DOCK2: variants seen among roughly 807,000 people sequenced by gnomAD.
DOCK2 encodes the protein dedicator of cytokinesis protein 2.
Under a neutral mutation model 248.9 loss-of-function variants are expected in DOCK2, and 87 were observed. The observed-to-expected ratio is 0.35, with a 90% CI of 0.29 to 0.42. The LOEUF (loss-of-function observed/expected upper bound fraction) is 0.42, where lower values mean the gene tolerates loss of function less well. Ranked by LOEUF, DOCK2 falls within the 10% of genes least tolerant of loss-of-function variation. The probability of loss-of-function intolerance (pLI) is 1.00; values close to 1 mark genes in which losing one functional copy is unlikely to be tolerated. For synonymous variants in DOCK2, 805 were observed against 821.6 expected (o/e 0.98, Z 0.35); for missense variants, 1,747 against 2,300.2 (o/e 0.76, Z 4.92).
intron 27 of DOCK2, among the ~76,000 whole-genome samples, chr5:169,869,251 C>T (rs1001590845): frequency 6.6e-6 from 1 of 152,154 alleles, no homozygotes; most frequent in Non-Finnish European, 1.5e-5. Flanking sequence ...CTTTATGTTT[C>T]TATGGAAACA....
At chr5:169,991,576 C>T (rs905829762) in intron 29 of DOCK2, among the ~76,000 whole-genome samples, 1 of 152,242 alleles carries the variant, frequency 6.6e-6, no homozygotes, top group African/African-American at 2.4e-5. Context: ...CATAAGACCA[C>T]CCATGGGCTG....
chr5:169,818,316 T>C (rs1377378624), intron 26 of DOCK2, among the ~76,000 whole-genome samples: 3 of 152,210 alleles, frequency 2.0e-5, no homozygotes, highest in Non-Finnish European at 4.4e-5. Flanking sequence ...ATCGGTCTTG[T>C]TCACTGCCAT....
intron 2 of DOCK2, among the ~76,000 whole-genome samples, chr5:169,663,729 C>A (rs547596178): frequency 1.3e-5 from 2 of 152,320 alleles, no homozygotes; most frequent in East Asian, 3.9e-4. Context: ...TACAGGGTGC[C>A]AAGTCCTGAG....
At chr5:169,842,343 T>G (rs1770031760) in intron 27 of DOCK2, among the ~76,000 whole-genome samples, 1 of 152,028 alleles carries the variant, frequency 6.6e-6, no homozygotes, top group Admixed American at 6.6e-5. Context: ...CTTTGAAGTA[T>G]CACATTTTTC....
At chr5:169,638,520 G>C (rs1756972322) in intron 1 of DOCK2, among the ~76,000 whole-genome samples, 1 of 152,170 alleles carries the variant, frequency 6.6e-6, no homozygotes, top group South Asian at 2.1e-4. Flanking sequence ...CTATAAAGTG[G>C]AAGTAATAAT....
intron 26 of DOCK2, among the ~76,000 whole-genome samples, chr5:169,804,505 A>T (rs5011499): frequency 8.1e-6 from 1 of 123,080 alleles, no homozygotes; most frequent in Non-Finnish European, 1.8e-5. Context: ...CGTGCGCGTA[A>T]GCATTTTTGT....
In DOCK2 at chr5:169,996,119, A is replaced by G; in HGVS notation, c.3027A>G (p.Glu1009=). ...VFLRAINKFA[E]TMNQKFLEHT... ...TGAGAGCTATCAACAAGTTTGCAGAAACCATGAACCAGAAGTTCCTAGAAC... is the reference window on the plus strand; with the variant it reads ...TGAGAGCTATCAACAAGTTTGCAGAGACCATGAACCAGAAGTTCCTAGAAC... The change falls in exon 30 of 52, where the codon GAA becomes GAG. Residue 1009 remains glutamate (E), a synonymous_variant. Transcript: ENST00000520908. 6.2e-7 allele frequency: 1 copy of G among 1,614,030 alleles called. No individual in the cohort carries two copies.
chr5:169,822,955 AG>A (rs1489938784), intron 26 of DOCK2, among the ~76,000 whole-genome samples: 24 of 152,254 alleles, frequency 1.6e-4, no homozygotes, highest in African/African-American at 5.5e-4. Flanking sequence ...CCGATCCCAC[AG>A]AAATTCAAAC....
intron 34 of DOCK2, among the ~76,000 whole-genome samples, chr5:170,030,583 G>A (rs1200843383): frequency 4.6e-5 from 7 of 152,328 alleles, no homozygotes; most frequent in African/African-American, 1.4e-4. Flanking sequence ...ATACTTAATA[G>A]TTAAGTGTCC....
Position 170,069,154 on chromosome 5 carries a change from G to A in DOCK2, c.4662G>A (p.Glu1554=), listed in dbSNP as rs772330443. 1 of 1,614,028 alleles carries A rather than the reference G, an allele frequency of 6.2e-7. No individual in the cohort carries two copies. Among genetic ancestry groups the A allele is most frequent in the Non-Finnish European group, 8.5e-7 (1 of 1,179,944 alleles). ...CTCCCCAGGCCTTCTTCACTGAAGA[G>A]TATGTCAGGGACCACCCTGAGGACC... ...AKYEKAFFTE[E]YVRDHPEDQD... Residue 1554 remains glutamate (E), a synonymous_variant, in exon 46 of 52, where the codon GAG becomes GAA. Coordinates refer to ENST00000520908, the MANE Select transcript of DOCK2 (RefSeq NM_004946.3).
At chr5:170,047,025 AC>A (rs1756738615) in intron 39 of DOCK2, among the ~76,000 whole-genome samples, 1 of 152,216 alleles carries the variant, frequency 6.6e-6, no homozygotes, top group Non-Finnish European at 1.5e-5. Flanking sequence ...ATGTTAAAAT[AC>A]GAAAAACACA....
chr5:169,790,374 C>G (rs185338178), intron 25 of DOCK2, among the ~76,000 whole-genome samples: 15 of 152,234 alleles, frequency 9.9e-5, no homozygotes, highest in Non-Finnish European at 1.8e-4. Flanking sequence ...TTCTAAGTTG[C>G]AAACAGAAAT....
intron 27 of DOCK2, among the ~76,000 whole-genome samples, chr5:169,957,510 A>G (rs1020417818): frequency 6.6e-6 from 1 of 152,142 alleles, no homozygotes; most frequent in African/African-American, 2.4e-5. Flanking sequence ...AGATGAGAAA[A>G]CTGAGGCTCA....
At chr5:169,762,359 T>C (rs1250992816) in intron 25 of DOCK2, among the ~76,000 whole-genome samples, 2 of 152,212 alleles carry the variant, frequency 1.3e-5, no homozygotes, top group African/African-American at 4.8e-5. Flanking sequence ...CTTCACTTAA[T>C]GGTATATATT....
At chr5:169,687,987 T>C (rs1349596249) in intron 8 of DOCK2, among the ~76,000 whole-genome samples, 2 of 152,176 alleles carry the variant, frequency 1.3e-5, no homozygotes, top group African/African-American at 4.8e-5. Context: ...TGCAGTGGCA[T>C]GACCTCAGCT....
chr5:170,060,807 G>A (rs1387988928), intron 44 of DOCK2, among the ~76,000 whole-genome samples: 4 of 152,056 alleles, frequency 2.6e-5, no homozygotes, highest in Middle Eastern at 3.2e-3. Flanking sequence ...TGGGGTGGGC[G>A]GATCACAAGG....
intron 6 of DOCK2, among the ~76,000 whole-genome samples, chr5:169,676,267 G>T (rs1178506708): frequency 6.6e-6 from 1 of 152,106 alleles, no homozygotes; most frequent in Non-Finnish European, 1.5e-5. Context: ...AGATCCTATA[G>T]ATGTTGACTG....
intron 44 of DOCK2, among the ~76,000 whole-genome samples, chr5:170,063,111 T>C (rs1436019301): frequency 6.6e-6 from 1 of 152,128 alleles, no homozygotes; most frequent in African/African-American, 2.4e-5. Flanking sequence ...GACTGGCATA[T>C]GCATGTCGCC....
chr5:170,060,420 G>A (rs923134734), intron 44 of DOCK2, among the ~76,000 whole-genome samples: 5 of 152,180 alleles, frequency 3.3e-5, no homozygotes, highest in Non-Finnish European at 5.9e-5. Context: ...GTGGCAAAGT[G>A]CAGTAGCAAC....
Sources: allele counts gnomAD v4.1 joint callset (sites outside exome capture counted in the v4.1 genomes callset), GRCh38; gene constraint gnomAD v4.1.1; transcripts MANE v1.5; gene names NCBI Gene and HGNC (gene_info 2026-07-23, HGNC 2026-07-21).